RAB32: variants seen among roughly 807,000 people sequenced by gnomAD.
RAB32 encodes the protein RAB32, member RAS oncogene family.
RAB32 carries 17 observed loss-of-function variants against 17.5 expected under a neutral mutation model. The observed-to-expected ratio is 0.97, with a 90% confidence interval of 0.67 to 1.46. RAB32 has a LOEUF of 1.46. Ranked by LOEUF, RAB32 falls within the 40% of genes most tolerant of loss-of-function variation. The pLI is 0.00. For synonymous variants in RAB32, 115 were observed against 111.1 expected (o/e 1.04, Z -0.22); for missense variants, 288 against 284.3 (o/e 1.01, Z -0.09).
At chr6:146,548,592 A>C (rs938399981) in intron 1 of RAB32, among the ~76,000 whole-genome samples, 4 of 152,174 alleles carry the variant, frequency 2.6e-5, no homozygotes, top group Non-Finnish European at 5.9e-5. Flanking sequence ...TCCCACTTCT[A>C]TAGGTGTGTG....
At chr6:146,549,263 T>G (rs940706277) in intron 1 of RAB32, among the ~76,000 whole-genome samples, 1 of 152,220 alleles carries the variant, frequency 6.6e-6, no homozygotes, top group South Asian at 2.1e-4. Flanking sequence ...ACTAATTCAT[T>G]ATGTACTTAA....
At chr6:146,549,831 G>A (rs1445613707) in intron 2 of RAB32, 90 bp downstream of exon 2, 1 of 1,398,004 alleles carries the variant, frequency 7.2e-7, no homozygotes, top group Non-Finnish European at 9.7e-7. Flanking sequence ...TTATGTGAGT[G>A]GTGTTTGAAA....
At position 146,548,122 on chromosome 6, in the gene RAB32, G is replaced by A. The variant is rs568986008; in HGVS notation, c.251-1342G>A. Among the ~76,000 whole-genome samples the A allele has an allele frequency of 2.2e-4, 34 of 152,158 alleles. No homozygotes were observed. The South Asian group carries it at 4.4e-3, about 19-fold the overall frequency. On this transcript the variant is annotated intron_variant, in intron 1 of 2. Transcript: ENST00000367495. Reference sequence around the variant, plus strand: ...TTATGAGCCAATGAACTATATAATGGTCAGATTTACATCACAATAAAATAT... The same window carrying A: ...TTATGAGCCAATGAACTATATAATGATCAGATTTACATCACAATAAAATAT...
chr6:146,552,931 C>T (rs1245578103), intron 2 of RAB32, among the ~76,000 whole-genome samples: 1 of 152,178 alleles, frequency 6.6e-6, no homozygotes, highest in Non-Finnish European at 1.5e-5. Flanking sequence ...AAGCTCCAAA[C>T]ATGTAAGACA....
At chr6:146,546,679 T>C (rs573379481) in intron 1 of RAB32, among the ~76,000 whole-genome samples, 25 of 152,186 alleles carry the variant, frequency 1.6e-4, no homozygotes, top group Non-Finnish European at 2.6e-4. Context: ...AGTTGGATCA[T>C]ATTTAATTCT....
intron 1 of RAB32, among the ~76,000 whole-genome samples, chr6:146,545,860 T>C (rs539501840): frequency 5.0e-4 from 76 of 152,148 alleles, no homozygotes; most frequent in Non-Finnish European, 8.7e-4. Context: ...ATAGCTGAGG[T>C]TTTTCACAAA....
chr6:146,552,826 A>G (rs921542145), intron 2 of RAB32, among the ~76,000 whole-genome samples: 8 of 152,222 alleles, frequency 5.3e-5, no homozygotes, highest in Admixed American at 4.6e-4. Flanking sequence ...CAAGTCAAGT[A>G]AAGATGTGCC....
intron 2 of RAB32, among the ~76,000 whole-genome samples, chr6:146,552,048 CTT>C (rs995852076): frequency 6.6e-6 from 1 of 152,146 alleles, no homozygotes; most frequent in Non-Finnish European, 1.5e-5. Context: ...TCAGATCTGA[CTT>C]TTGCTTGAAT....
intron 2 of RAB32, among the ~76,000 whole-genome samples, chr6:146,553,142 G>C (rs948649185): frequency 1.3e-5 from 2 of 152,160 alleles, no homozygotes; most frequent in African/African-American, 4.8e-5. Flanking sequence ...ATGTATACAT[G>C]TGTGGAACCT....
chr6:146,549,659 A>G lies in RAB32; in HGVS notation c.446A>G (p.Lys149Arg). 6 of 1,614,218 alleles carry G rather than the reference A, an allele frequency of 3.7e-6. No homozygotes were observed. The highest frequency in any genetic ancestry group is 4.2e-6 in the Non-Finnish European group (5 of 1,180,026). ...VLLANKCDQN[K>R]DSSQSPSQVD... ...TTGGCTAACAAATGTGACCAGAACA[A>G]GGACAGTAGCCAGAGTCCTTCCCAG... The change falls in exon 2 of 3, where the codon AAG (lysine) becomes AGG (arginine). Residue 149 changes from lysine to arginine, a missense_variant. Transcript: ENST00000367495.
At position 146,548,038 on chromosome 6, in the gene RAB32, C is replaced by T. The variant is rs529251185; in HGVS notation, c.251-1426C>T. Among the ~76,000 whole-genome samples, 9 of 152,260 alleles carry T rather than the reference C, an allele frequency of 5.9e-5. No individual in the cohort carries two copies. In the East Asian group the frequency reaches 1.3e-3, roughly 23 times the overall value. On this transcript the variant is annotated intron_variant, in intron 1 of 2. Transcript: ENST00000367495. ...AATCATTTCAATGCATATAGTCTTTCTGCAGAATAGCGATTTTGAACAGTT... is the reference window on the plus strand; with the variant it reads ...AATCATTTCAATGCATATAGTCTTTTTGCAGAATAGCGATTTTGAACAGTT...
At position 146,543,939 on chromosome 6, in the gene RAB32, A is replaced by G. The variant is rs1178084100; in HGVS notation, c.68A>G (p.Glu23Gly). Residue 23 changes from glutamate to glycine, a missense_variant, in exon 1 of 3, where the codon GAG becomes GGG. By Grantham distance (98) the Glu-to-Gly change is moderately conservative (BLOSUM62 -2). Coordinates refer to ENST00000367495, the MANE Select transcript of RAB32 (RefSeq NM_006834.5). ...AAAAPAPETR[E>G]HLFKVLVIGE... Reference sequence around the variant, plus strand: ...GCCGCCCCAGCGCCCGAGACCCGCGAGCACCTCTTCAAGGTGCTGGTGATC... The same window carrying G: ...GCCGCCCCAGCGCCCGAGACCCGCGGGCACCTCTTCAAGGTGCTGGTGATC... 6.2e-7 allele frequency: 1 copy of G among 1,609,710 alleles called. No homozygotes were observed. Among genetic ancestry groups the G allele is most frequent in the Non-Finnish European group, 8.5e-7 (1 of 1,178,450 alleles).
At chr6:146,544,628 ACTCCATTC>A (rs1779797738) in intron 1 of RAB32, among the ~76,000 whole-genome samples, 1 of 150,432 alleles carries the variant, frequency 6.6e-6, no homozygotes, top group South Asian at 2.1e-4. Context: ...TGTGAGGGAA[ACTCCATTC>A]CTCAAATACT....
chr6:146,554,625 T>C lies in RAB32; in HGVS notation c.*20T>C. The stretch of plus-strand genomic sequence containing the variant: ...TGCTGATATATGGCTTCTGCTTCTC[T>C]TGTGTGTGCCTCAGCTCTGAAGAAG... On this transcript the variant is annotated 3_prime_UTR_variant, in exon 3 of 3. Transcript: ENST00000367495. 2.5e-6 allele frequency: 4 copies of C among 1,602,986 alleles called. No individual in the cohort carries two copies. The highest frequency in any genetic ancestry group is 1.1e-5 in the South Asian group (1 of 89,072).
In RAB32 at chr6:146,543,849, C is replaced by T; in HGVS notation, c.-23C>T. ...CAGGGGGCCAGACTCGGAGTCGAGG[C>T]GCGCCCGACAGCCGCAGCGCTCATG... On this transcript the variant is annotated 5_prime_UTR_variant, in exon 1 of 3. Transcript: ENST00000367495. The T allele has an allele frequency of 7.4e-7, 1 of 1,355,398 alleles. No individual in the cohort carries two copies. The highest frequency in any genetic ancestry group is 9.5e-7 in the Non-Finnish European group (1 of 1,052,766). 84.0% of individuals were successfully genotyped at this position (1,355,398 alleles called of 1,614,324 possible).
In RAB32 at chr6:146,549,666, T is replaced by G; in HGVS notation, c.453T>G (p.Ser151Arg). 1 of 1,614,212 alleles carries G rather than the reference T, an allele frequency of 6.2e-7. No individual in the cohort carries two copies. The highest frequency in any genetic ancestry group is 1.7e-5 in the Admixed American group (1 of 60,024). ...LANKCDQNKDSSQSPSQVDQF... is the reference protein window; with the variant it reads ...LANKCDQNKDRSQSPSQVDQF... ...ACAAATGTGACCAGAACAAGGACAG[T>G]AGCCAGAGTCCTTCCCAGGTGGACC... Residue 151 changes from serine (S) to arginine (R), a missense_variant, in exon 2 of 3, where the codon AGT (serine) becomes AGG (arginine). Transcript: ENST00000367495.
chr6:146,544,637 C>T (rs1300527715), intron 1 of RAB32, among the ~76,000 whole-genome samples: 1 of 151,984 alleles, frequency 6.6e-6, no homozygotes, highest in Non-Finnish European at 1.5e-5. Flanking sequence ...AACTCCATTC[C>T]TCAAATACTT....
chr6:146,548,024 T>C (rs1200586084), intron 1 of RAB32, among the ~76,000 whole-genome samples: 1 of 152,214 alleles, frequency 6.6e-6, no homozygotes, highest in African/African-American at 2.4e-5. Flanking sequence ...ATCATTTCAA[T>C]GCATATAGTC....
chr6:146,547,685 G>T (rs6918907), intron 1 of RAB32, among the ~76,000 whole-genome samples: 103,792 of 143,622 alleles, frequency 0.72, 37,490 homozygotes, highest in Admixed American at 0.75. Context: ...TCATGAGCAC[G>T]AGTAAAAGGA....
Sources: gnomAD v4.1 joint callset for allele counts (sites outside exome capture counted in the v4.1 genomes callset) on GRCh38, gnomAD v4.1.1 for gene constraint, MANE v1.5 for transcripts, NCBI Gene and HGNC (gene_info 2026-07-23, HGNC 2026-07-21) for gene names.